CSMD1: variants seen among roughly 807,000 people sequenced by gnomAD.
CSMD1 encodes the protein CUB and Sushi multiple domains 1.
CSMD1 carries 213 observed loss-of-function variants against 417.5 expected under a neutral mutation model. The observed-to-expected ratio is 0.51, with a 90% CI of 0.46 to 0.57. The LOEUF (loss-of-function observed/expected upper bound fraction) is 0.57, where lower values mean the gene tolerates loss of function less well. CSMD1 is among the 20% of genes least tolerant of loss of function. The pLI is 0.00. For missense variants in CSMD1, 6,923 were observed against 4,529.7 expected (o/e 1.53, Z -15.17); for synonymous variants, 2,862 against 1,736.8 (o/e 1.65, Z -16.11).
intron 26 of CSMD1, among the ~76,000 whole-genome samples, chr8:3,250,549 T>C (rs1401458973): frequency 1.3e-5 from 2 of 152,188 alleles, no homozygotes; most frequent in African/African-American, 4.8e-5. Context: ...AGCAGCATGA[T>C]TTATAGTCCT....
chr8:4,198,475 AG>A (rs1236294926), intron 3 of CSMD1, among the ~76,000 whole-genome samples: 1 of 152,202 alleles, frequency 6.6e-6, no homozygotes. Context: ...GGGATGAGAA[AG>A]AAATCACTAG....
chr8:4,573,462 G>C lies in CSMD1; in HGVS notation c.302+63880C>G, dbSNP rs1798982982. On this transcript the variant is annotated intron_variant, in intron 2 of 69. Coordinates refer to ENST00000635120, the MANE Select transcript of CSMD1 (RefSeq NM_033225.6). Reference sequence around the variant, plus strand: ...TGTCACCAGTGGAGGCTGCAGAACAGCAAAGATTGCTGCCTGTGTCTTCCT... The same window carrying C: ...TGTCACCAGTGGAGGCTGCAGAACACCAAAGATTGCTGCCTGTGTCTTCCT... Among the ~76,000 whole-genome samples the C allele has an allele frequency of 2.0e-5, 3 of 152,164 alleles. No homozygotes were observed. In the South Asian group the frequency reaches 6.2e-4, roughly 31 times the overall value.
intron 6 of CSMD1, among the ~76,000 whole-genome samples, chr8:3,752,370 TG>T (rs1797385417): frequency 6.6e-6 from 1 of 152,120 alleles, no homozygotes; most frequent in African/African-American, 2.4e-5. Flanking sequence ...AAATATATTT[TG>T]GCGCTGGGTA....
chr8:3,890,943 C>G (rs180857896), intron 5 of CSMD1, among the ~76,000 whole-genome samples: 2 of 152,154 alleles, frequency 1.3e-5, no homozygotes, highest in Admixed American at 6.5e-5. Flanking sequence ...TCATACGACT[C>G]TCATACGACT....
chr8:4,937,496 CA>C (rs1156395767), intron 1 of CSMD1, among the ~76,000 whole-genome samples: 1 of 152,028 alleles, frequency 6.6e-6, no homozygotes, highest in Admixed American at 6.6e-5. Flanking sequence ...AAGAGATTTA[CA>C]AAGCACAGAA....
chr8:4,226,507 T>A (rs1019824050), intron 3 of CSMD1, among the ~76,000 whole-genome samples: 2 of 152,114 alleles, frequency 1.3e-5, no homozygotes, highest in African/African-American at 4.8e-5. Flanking sequence ...TAACAGAACC[T>A]ATAATGAGTC....
intron 5 of CSMD1, among the ~76,000 whole-genome samples, chr8:3,893,421 G>C (rs941971108): frequency 8.3e-5 from 12 of 143,884 alleles, no homozygotes; most frequent in African/African-American, 2.8e-4. Flanking sequence ...ACAAAATCTG[G>C]ATCAACTCCT....
intron 1 of CSMD1, among the ~76,000 whole-genome samples, chr8:4,644,871 G>A (rs1585383086): frequency 1.3e-5 from 2 of 152,216 alleles, no homozygotes; most frequent in Admixed American, 6.5e-5. Flanking sequence ...GTGCCTGCTA[G>A]TTGACATTCA....
intron 1 of CSMD1, among the ~76,000 whole-genome samples, chr8:4,897,299 G>C (rs561095848): frequency 1.1e-3 from 163 of 152,030 alleles, no homozygotes; most frequent in Non-Finnish European, 1.9e-3. Context: ...AGAAAAAAAC[G>C]GAAAAAATAA....
intron 7 of CSMD1, among the ~76,000 whole-genome samples, chr8:3,657,964 G>T (rs1424301585): frequency 6.6e-6 from 1 of 151,982 alleles, no homozygotes; most frequent in Non-Finnish European, 1.5e-5. Context: ...TTGATTAATG[G>T]TAAATACATC....
intron 5 of CSMD1, among the ~76,000 whole-genome samples, chr8:3,792,110 A>G (rs1433663227): frequency 2.0e-5 from 3 of 152,104 alleles, no homozygotes; most frequent in East Asian, 3.9e-4. Context: ...CCTGGGCCAA[A>G]TAGGGAGACC....
chr8:2,960,351 G>A (rs1191106807), intron 62 of CSMD1, among the ~76,000 whole-genome samples: 2 of 152,192 alleles, frequency 1.3e-5, no homozygotes, highest in Non-Finnish European at 2.9e-5. Context: ...CGAGAACAAT[G>A]GGAATATTTT....
intron 19 of CSMD1, among the ~76,000 whole-genome samples, chr8:3,368,520 G>T (rs907288836): frequency 2.0e-5 from 3 of 152,072 alleles, no homozygotes; most frequent in Admixed American, 6.5e-5. Context: ...TGTATTTTTA[G>T]TAGAGACAAG....
chr8:4,101,160 T>C (rs760918173), intron 3 of CSMD1, among the ~76,000 whole-genome samples: 1 of 152,218 alleles, frequency 6.6e-6, no homozygotes, highest in Non-Finnish European at 1.5e-5. Context: ...CACTCTATAC[T>C]GTCTATGAGT....
At chr8:4,869,357 T>G (rs1457611783) in intron 1 of CSMD1, among the ~76,000 whole-genome samples, 1 of 152,026 alleles carries the variant, frequency 6.6e-6, no homozygotes, top group African/African-American at 2.4e-5. Context: ...TCCTTTATGT[T>G]AATGCTCTCT....
At chr8:4,045,572 T>C (rs889723012) in intron 3 of CSMD1, among the ~76,000 whole-genome samples, 7 of 152,188 alleles carry the variant, frequency 4.6e-5, no homozygotes, top group Non-Finnish European at 1.0e-4. Flanking sequence ...GGATGTGCAA[T>C]GCTTTAGAAT....
intron 1 of CSMD1, among the ~76,000 whole-genome samples, chr8:4,745,431 G>T (rs553036411): frequency 2.6e-5 from 4 of 152,134 alleles, no homozygotes; most frequent in African/African-American, 9.7e-5. Context: ...GAATGACTAT[G>T]TATAGTATTG....
chr8:4,496,654 C>G (rs1801993777), intron 2 of CSMD1, among the ~76,000 whole-genome samples: 2 of 152,104 alleles, frequency 1.3e-5, no homozygotes, highest in Non-Finnish European at 1.5e-5. Flanking sequence ...TCCTTTTGGT[C>G]TCCCCCTCCC....
At chr8:4,703,989 C>A (rs1735383383) in intron 1 of CSMD1, among the ~76,000 whole-genome samples, 1 of 152,160 alleles carries the variant, frequency 6.6e-6, no homozygotes, top group Non-Finnish European at 1.5e-5. Flanking sequence ...AGGTTTCATG[C>A]TATGAGAATC....
Sources: allele counts gnomAD v4.1 joint callset (sites outside exome capture counted in the v4.1 genomes callset), GRCh38; gene constraint gnomAD v4.1.1; transcripts MANE v1.5; gene names NCBI Gene and HGNC (gene_info 2026-07-23, HGNC 2026-07-21).